The following CFAP52 variants were observed in gnomAD, a reference collection of about 807,000 sequenced individuals.
CFAP52 encodes the protein cilia- and flagella-associated protein 52.
In CFAP52, 57 loss-of-function variants were observed where a neutral mutation model predicts 70.5. The ratio of observed to expected loss-of-function variants is 0.81; its 90% CI spans 0.65 to 1.01. CFAP52 has a LOEUF of 1.01. Among genes scored for constraint, CFAP52 ranks in the 50% least tolerant of loss-of-function variants. The pLI, the probability that CFAP52 is intolerant of heterozygous loss-of-function variation, is 0.00. For synonymous variants in CFAP52, 267 were observed against 292.5 expected (o/e 0.91, Z 0.89); for missense variants, 785 against 788.5 (o/e 1.00, Z 0.05).
At chr17:9,605,170 T>C (rs1396601146) in intron 6 of CFAP52, among the ~76,000 whole-genome samples, 1 of 152,150 alleles carries the variant, frequency 6.6e-6, no homozygotes, top group Non-Finnish European at 1.5e-5. Flanking sequence ...TTATCCATAA[T>C]TGCCAAAACT....
chr17:9,581,964 T>C (rs1380989226), intron 1 of CFAP52, among the ~76,000 whole-genome samples: 2 of 152,204 alleles, frequency 1.3e-5, no homozygotes, highest in Non-Finnish European at 2.9e-5. Flanking sequence ...TTCTGCCCAT[T>C]TTTCAAGTGT....
At chr17:9,638,743 C>T (rs1202383894) in intron 12 of CFAP52, 32 bp downstream of exon 12, 1 of 1,605,532 alleles carries the variant, frequency 6.2e-7, no homozygotes, top group Non-Finnish European at 8.5e-7. Flanking sequence ...TGAGATCTTT[C>T]CAGCGCAAGA....
At chr17:9,645,504 G>T (rs1182110873), downstream of CFAP52, 19 of 935,438 alleles carry the variant, frequency 2.0e-5, no homozygotes, top group East Asian at 9.5e-4. The surrounding 1 kb of genome is among the most constrained non-coding windows in gnomAD (Gnocchi z 6.8). Context: ...CTCCGCCTCC[G>T]CCCCGTCCCC....
intron 8 of CFAP52, among the ~76,000 whole-genome samples, chr17:9,616,460 A>G (rs1051987075): frequency 2.9e-5 from 4 of 135,820 alleles, no homozygotes; most frequent in Non-Finnish European, 6.3e-5. Flanking sequence ...TTAGGTAAAC[A>G]AAGCAGCCGG....
In CFAP52 at chr17:9,577,964, T is replaced by A. The variant is rs367677970; in HGVS notation, c.70+1199T>A. 2.0e-5 allele frequency among the ~76,000 whole-genome samples: 3 copies of A among 152,102 alleles called. No individual in the cohort carries two copies. In the East Asian group the frequency reaches 5.8e-4, roughly 29 times the overall value. ...AAAATTATCCGGGCGTGGTGGTAGG[T>A]GCCTGTAATCCCAGCTACTTGAGAG... On this transcript the variant is annotated intron_variant, in intron 1 of 13. Transcript: ENST00000352665.
At chr17:9,645,039 C>T (rs1337222912), downstream of CFAP52, 1 of 148,350 alleles carries the variant, frequency 6.7e-6, no homozygotes, top group African/African-American at 2.6e-5. This position sits in a 1 kb window ranked among gnomAD's most constrained non-coding sequence, Gnocchi z 6.8. Context: ...GACTCTGCCT[C>T]CCCCCAAGGG....
chr17:9,577,094 C>T (rs1907986774), intron 1 of CFAP52, among the ~76,000 whole-genome samples: 1 of 152,192 alleles, frequency 6.6e-6, no homozygotes, highest in African/African-American at 2.4e-5. Flanking sequence ...GTCAGCCCTT[C>T]CTGGCTCTGA....
Position 9,643,109 on chromosome 17 carries a change from C to G in CFAP52, c.1774C>G (p.Arg592Gly), listed in dbSNP as rs752505017. 1 of 1,613,698 alleles carries G rather than the reference C, an allele frequency of 6.2e-7. No individual in the cohort carries two copies. The highest frequency in any genetic ancestry group is 2.2e-5 in the East Asian group (1 of 44,882). The stretch of plus-strand genomic sequence containing the variant: ...GGTGGGACACAGTGGCAACATCACA[C>G]GCATCCGCATAAGTCCAGGAAATCA... ...VGVGHSGNIT[R>G]IRISPGNQYI... Residue 592 changes from arginine (R) to glycine (G), a missense_variant, in exon 14 of 14, where the codon CGC (arginine) becomes GGC (glycine). Physicochemically the swap from Arg to Gly is moderately radical, Grantham distance 125 (BLOSUM62 -2). Coordinates refer to ENST00000352665, the MANE Select transcript of CFAP52 (RefSeq NM_145054.5).
intron 10 of CFAP52, 136 bp from the exon 11 acceptor site, chr17:9,635,269 A>C (rs1018139254): frequency 2.4e-6 from 3 of 1,232,868 alleles, no homozygotes; most frequent in Non-Finnish European, 3.3e-6. Flanking sequence ...TTCACACCCC[A>C]CCCAACCGAG....
At position 9,601,614 on chromosome 17, in the gene CFAP52, A is replaced by G. The variant is rs73975741; in HGVS notation, c.753+1431A>G. Among the ~76,000 whole-genome samples the G allele has an allele frequency of 2.8e-3, 419 of 152,334 alleles. 4 individuals are homozygous for G. The highest frequency in any genetic ancestry group is 9.1e-3 in the African/African-American group (380 of 41,592). On this transcript the variant is annotated intron_variant, in intron 6 of 13. Coordinates refer to ENST00000352665, the MANE Select transcript of CFAP52 (RefSeq NM_145054.5). ...TTAGATTTTAGCCTCAGCTGACATTATAAGTCGTGAGCAAGACCTAGAAAT... is the reference window on the plus strand; with the variant it reads ...TTAGATTTTAGCCTCAGCTGACATTGTAAGTCGTGAGCAAGACCTAGAAAT...
intron 9 of CFAP52, among the ~76,000 whole-genome samples, chr17:9,631,685 G>A (rs1014030128): frequency 3.9e-5 from 6 of 152,042 alleles, no homozygotes; most frequent in African/African-American, 7.2e-5. Flanking sequence ...GTTGGGGGTC[G>A]GGCACAAATA....
At chr17:9,642,405 C>A (rs1482150437) in intron 13 of CFAP52, among the ~76,000 whole-genome samples, 4 of 152,178 alleles carry the variant, frequency 2.6e-5, no homozygotes, top group Non-Finnish European at 5.9e-5. Context: ...AGGTGGATCA[C>A]CTGGGGTCAG....
At chr17:9,616,210 C>A (rs1355499739) in intron 8 of CFAP52, among the ~76,000 whole-genome samples, 1 of 150,910 alleles carries the variant, frequency 6.6e-6, no homozygotes, top group Non-Finnish European at 1.5e-5. Context: ...TCAGGGAGTT[C>A]CCTTTCCCAG....
chr17:9,635,586 G>A, intron 11 of CFAP52, 30 bp downstream of exon 11: 3 of 1,613,560 alleles, frequency 1.9e-6, no homozygotes, highest in Non-Finnish European at 2.5e-6. Context: ...AGGATGCAGT[G>A]ATACCTGCAA....
intron 8 of CFAP52, among the ~76,000 whole-genome samples, chr17:9,626,655 T>C (rs1910247360): frequency 1.3e-5 from 2 of 152,258 alleles, no homozygotes; most frequent in African/African-American, 4.8e-5. Context: ...TTATCTAATA[T>C]AAATATCTCT....
rs368337134 is a variant in CFAP52 at position 9,631,026 on chromosome 17, GAA to G, written c.1175-1860_1175-1859del. Among the ~76,000 whole-genome samples the G allele has an allele frequency of 1.5e-3, 110 of 72,074 alleles. 1 individual carries two copies. Among genetic ancestry groups the G allele is most frequent in the East Asian group, 2.3e-3 (3 of 1,292 alleles). The allele number at this position is 72,074 out of a possible 152,430, so 47.3% of individuals were successfully genotyped here. A position where few individuals can be genotyped will look rare whatever the true frequency, so the allele number is the denominator to read the frequency against. On this transcript the variant is annotated intron_variant, in intron 9 of 13. Transcript: ENST00000352665. ...AGAAAGAAAGAAAGAAAGAAAGAAAGAAAGAGAGAGAGAGAGAGAGAGAGAGA... is the reference window on the plus strand; with the variant it reads ...AGAAAGAAAGAAAGAAAGAAAGAAAGAGAGAGAGAGAGAGAGAGAGAGAGA...
chr17:9,612,333 CACTTCTATCACACTTCG>C lies in CFAP52; in HGVS notation c.881_897del (p.Thr294ArgfsTer34). On this transcript the variant is annotated frameshift_variant, in exon 8 of 14. Coordinates refer to ENST00000352665, the MANE Select transcript of CFAP52 (RefSeq NM_145054.5). LOFTEE classifies it high-confidence loss of function. ...GGAAGATTCAGTTACAAGGCGGCATCACTTCTATCACACTTCGAGGAGAAGGACACCAGTTTCTCGTA... is the reference window on the plus strand; with the variant it reads ...GGAAGATTCAGTTACAAGGCGGCATCAGGAGAAGGACACCAGTTTCTCGTA... 1 of 1,614,142 alleles carries C rather than the reference CACTTCTATCACACTTCG, an allele frequency of 6.2e-7. No homozygotes were observed. The highest frequency in any genetic ancestry group is 1.1e-5 in the South Asian group (1 of 91,080).
chr17:9,630,618 G>A (rs1910436417), intron 9 of CFAP52, among the ~76,000 whole-genome samples: 1 of 150,454 alleles, frequency 6.6e-6, no homozygotes, highest in African/African-American at 2.4e-5. Flanking sequence ...GTTTAGTAGA[G>A]ACGGGGTTTC....
chr17:9,637,170 T>C (rs538465375), intron 11 of CFAP52, among the ~76,000 whole-genome samples: 1 of 152,322 alleles, frequency 6.6e-6, no homozygotes, highest in African/African-American at 2.4e-5. Flanking sequence ...AAATTTAGCA[T>C]GGTACCTGAG....
Sources: gnomAD v4.1 joint callset for allele counts (sites outside exome capture counted in the v4.1 genomes callset) on GRCh38, gnomAD v4.1.1 for gene constraint, Gnocchi (gnomAD v3.1) non-coding constraint, MANE v1.5 for transcripts, NCBI Gene and HGNC (gene_info 2026-07-23, HGNC 2026-07-21) for gene names.